Variants in UNC13C observed in about 807,000 individuals in gnomAD.
The protein encoded by UNC13C is unc-13 homolog C, also known as protein unc-13 homolog C.
A neutral mutation model predicts 245.4 loss-of-function variants in UNC13C; 174 were observed. The ratio of observed to expected loss-of-function variants is 0.71; its 90% CI spans 0.63 to 0.80. UNC13C has a LOEUF of 0.80. Among genes scored for constraint, UNC13C ranks in the 30% least tolerant of loss-of-function variants. UNC13C has a pLI of 0.00. For missense variants in UNC13C, 2,829 were observed against 2,602.9 expected (o/e 1.09, Z -1.89); for synonymous variants, 992 against 895.1 (o/e 1.11, Z -1.93).
chr15:53,946,572 T>G, the UNC13C span, among the ~76,000 whole-genome samples: 260 of 151,508 alleles, frequency 1.7e-3, 3 homozygotes, highest in East Asian at 0.015. Flanking sequence ...AATACAAAAA[T>G]TAGCTGGACA....
rs7496345 is a variant in UNC13C at position 54,228,918 on chromosome 15, C to T, written c.3072-6112C>T. 4.7e-3 allele frequency among the ~76,000 whole-genome samples: 708 copies of T among 152,254 alleles called. 5 individuals are homozygous for T. The highest frequency in any genetic ancestry group is 0.016 in the African/African-American group (671 of 41,550). ...CACTGGCTCTAAGCATAGCACAGCA[C>T]GAGGATTTTCAGTCCTTGTACCTAG... On this transcript the variant is annotated intron_variant, in intron 4 of 32. Coordinates refer to ENST00000260323, the MANE Select transcript of UNC13C (RefSeq NM_001080534.3).
intron 4 of UNC13C, among the ~76,000 whole-genome samples, chr15:54,162,497 C>T (rs1462345638): frequency 6.6e-6 from 1 of 152,138 alleles, no homozygotes; most frequent in Non-Finnish European, 1.5e-5. Flanking sequence ...AAATCTCTCT[C>T]CCCATCAAAT....
chr15:54,628,276 C>T lies in UNC13C; in HGVS notation c.*1163C>T, dbSNP rs1901313982. On this transcript the variant is annotated 3_prime_UTR_variant, in exon 33 of 33. Transcript: ENST00000260323. Reference sequence around the variant, plus strand: ...TTGTTATGATTTGACTTTTTAGAGTCTATGCCAAAATATATGGCTGTAAAA... The same window carrying T: ...TTGTTATGATTTGACTTTTTAGAGTTTATGCCAAAATATATGGCTGTAAAA... 1 of 152,118 alleles carries T rather than the reference C, an allele frequency of 6.6e-6. No homozygotes were observed. The highest frequency in any genetic ancestry group is 1.9e-4 in the East Asian group (1 of 5,188). The allele number at this position is 152,118 out of a possible 1,614,324, so 9.4% of individuals were successfully genotyped here.
chr15:53,840,603 G>T, the UNC13C span, among the ~76,000 whole-genome samples: 9 of 152,120 alleles, frequency 5.9e-5, no homozygotes, highest in Non-Finnish European at 1.2e-4. Context: ...AGCAGCAAAT[G>T]GTTAACACTA....
At chr15:54,377,389 A>T (rs1294365588) in intron 17 of UNC13C, among the ~76,000 whole-genome samples, 1 of 152,188 alleles carries the variant, frequency 6.6e-6, no homozygotes, top group Non-Finnish European at 1.5e-5. Context: ...TTAACCCTCC[A>T]CACTTGTTAG....
intron 12 of UNC13C, among the ~76,000 whole-genome samples, chr15:54,299,689 C>T (rs1446625040): frequency 2.6e-5 from 4 of 152,160 alleles, no homozygotes; most frequent in Non-Finnish European, 4.4e-5. Context: ...AGCCTCATCT[C>T]ATATTTTTTG....
At chr15:54,552,451 A>AAT (rs1555394037) in intron 28 of UNC13C, among the ~76,000 whole-genome samples, 2 of 2,182 alleles carry the variant, frequency 9.2e-4, no homozygotes, top group African/African-American at 3.0e-3. Context: ...TACAATATAT[A>AAT]ATATAATTAT....
chr15:53,948,538 C>T, the UNC13C span: 25,161 of 151,210 alleles, frequency 0.17, 2,305 homozygotes, highest in Middle Eastern at 0.24. Context: ...CGCTTGAACC[C>T]GGGAGGCGGA....
At chr15:54,436,081 A>T (rs12905526) in intron 19 of UNC13C, among the ~76,000 whole-genome samples, 2 of 152,010 alleles carry the variant, frequency 1.3e-5, no homozygotes, top group Admixed American at 6.6e-5. Context: ...AAGTTAGGAA[A>T]CAGCAGATGC....
intron 5 of UNC13C, 122 bp from the exon 6 acceptor site, chr15:54,236,308 G>C: frequency 1.4e-6 from 1 of 737,388 alleles, no homozygotes; most frequent in Non-Finnish European, 2.3e-6. Context: ...TCAAATTTCT[G>C]TCTTCACTAT....
chr15:54,455,208 T>C lies in UNC13C; in HGVS notation c.4934-39400T>C, dbSNP rs1256506803. On this transcript the variant is annotated intron_variant, in intron 19 of 32. Transcript: ENST00000260323. ...CTCTCTCTCTCTCTCTCTCTCTCTA[T>C]ATATATATATATATATATATATATA... 8.7e-3 allele frequency among the ~76,000 whole-genome samples: 491 copies of C among 56,652 alleles called. 44 individuals carry two copies. The highest frequency in any genetic ancestry group is 0.028 in the African/African-American group (369 of 13,412). 37.2% of individuals were successfully genotyped at this position (56,652 alleles called of 152,430 possible). A position where few individuals can be genotyped will look rare whatever the true frequency, so the allele number is the denominator to read the frequency against.
chr15:54,191,438 T>G (rs2034179304), intron 4 of UNC13C, among the ~76,000 whole-genome samples: 1 of 152,176 alleles, frequency 6.6e-6, no homozygotes, highest in Non-Finnish European at 1.5e-5. Context: ...ATTTTCTTTA[T>G]CCAGTCTATC....
At chr15:54,372,335 C>T (rs2039504604) in intron 17 of UNC13C, among the ~76,000 whole-genome samples, 1 of 152,026 alleles carries the variant, frequency 6.6e-6, no homozygotes, top group East Asian at 1.9e-4. Context: ...GTTACCTTTT[C>T]CTTAAGAGCC....
the UNC13C span, among the ~76,000 whole-genome samples, chr15:53,896,829 C>A: frequency 2.6e-5 from 4 of 152,130 alleles, no homozygotes; most frequent in African/African-American, 9.7e-5. Flanking sequence ...GCATTAAAAA[C>A]CACACCCTAA....
chr15:54,138,953 A>ATTTTTTTTTTTTTTTTTTGTTTTT (rs2031873841), intron 2 of UNC13C, among the ~76,000 whole-genome samples: 1 of 48,632 alleles, frequency 2.1e-5, no homozygotes, highest in African/African-American at 7.8e-5. Flanking sequence ...ATTTCCCCTA[A>ATTTTTTTTTTTTTTTTTTGTTTTT]TTTTTTTTTT....
intron 22 of UNC13C, among the ~76,000 whole-genome samples, chr15:54,501,198 C>T (rs538985144): frequency 9.9e-5 from 15 of 152,152 alleles, no homozygotes; most frequent in African/African-American, 3.4e-4. Flanking sequence ...TTGTTCACTT[C>T]GAGGACTCAG....
chr15:53,973,176 G>T, the UNC13C span, among the ~76,000 whole-genome samples: 1 of 151,922 alleles, frequency 6.6e-6, no homozygotes, highest in Non-Finnish European at 1.5e-5. Context: ...ATGGCTCTTT[G>T]GTATTCTAAA....
At chr15:54,119,563 A>G (rs2030520567) in intron 2 of UNC13C, among the ~76,000 whole-genome samples, 1 of 152,158 alleles carries the variant, frequency 6.6e-6, no homozygotes, top group African/African-American at 2.4e-5. Context: ...GCCAATTAGT[A>G]ACCCTACATT....
chr15:53,963,629 C>A, the UNC13C span, among the ~76,000 whole-genome samples: 1 of 152,092 alleles, frequency 6.6e-6, no homozygotes, highest in African/African-American at 2.4e-5. Context: ...ACAGTAGACA[C>A]TGAAAAATAA....
Sources: allele counts gnomAD v4.1 joint callset (sites outside exome capture counted in the v4.1 genomes callset), GRCh38; gene constraint gnomAD v4.1.1; transcripts MANE v1.5; gene names NCBI Gene and HGNC (gene_info 2026-07-23, HGNC 2026-07-21).